FRMPD4: variants seen among roughly 807,000 people sequenced by gnomAD.
FRMPD4 encodes FERM and PDZ domain-containing protein 4.
A neutral mutation model predicts 94.1 loss-of-function variants in FRMPD4; 22 were observed. The observed-to-expected ratio is 0.23, with a 90% CI of 0.17 to 0.33. The LOEUF (loss-of-function observed/expected upper bound fraction) is 0.33. Among genes scored for constraint, FRMPD4 ranks in the 10% least tolerant of loss-of-function variants. The pLI is 1.00. For synonymous variants in FRMPD4, 631 were observed against 548.6 expected, an observed-to-expected ratio of 1.15 and a Z score of -2.10; for missense variants, 1,111 against 1,339.9, an observed-to-expected ratio of 0.83 and a Z score of 2.67.
rs192153170 is a variant in FRMPD4 at position 12,442,817 on chromosome X, C to T, written c.42-55863C>T. On this transcript the variant is annotated intron_variant, in intron 1 of 16. Transcript: ENST00000675598. ...GCAACATTATTCCTAATAGACAAAA[C>T]ATGAAAACAACACAGATATTCATAA... Among the ~76,000 whole-genome samples, 7 of 111,465 alleles carry T rather than the reference C, an allele frequency of 6.3e-5. No individual in the cohort carries two copies. The East Asian group carries it at 2.0e-3, about 31-fold the overall frequency.
chrX:12,291,314 C>T (rs1456300826), intron 1 of FRMPD4, among the ~76,000 whole-genome samples: 1 of 111,954 alleles, frequency 8.9e-6, no homozygotes, highest in Non-Finnish European at 1.9e-5. Flanking sequence ...TTCTTCTATA[C>T]TTCTTTGACT....
intron 1 of FRMPD4, among the ~76,000 whole-genome samples, chrX:12,308,487 G>A (rs1449807064): frequency 9.0e-6 from 1 of 111,304 alleles, no homozygotes; most frequent in East Asian, 2.8e-4. Context: ...GTGTATATCT[G>A]GGCTCTGGAG....
intron 2 of FRMPD4, among the ~76,000 whole-genome samples, chrX:12,605,320 G>A (rs753188518): frequency 5.3e-4 from 59 of 112,271 alleles, no homozygotes; most frequent in African/African-American, 1.4e-3. Flanking sequence ...CACTGGGAAC[G>A]TCTGCTGTGT....
rs183404902 is a variant in FRMPD4 at position 12,128,751 on chromosome X, G to A, written c.95+250733G>A. On this transcript the variant is annotated intron_variant, in intron 3 of 18. Transcript: ENST00000640291. ...TGAATGCATGAAACTGAAAGCTTTT[G>A]AGAGCACCCAAGTCACCTCTTGAAT... Among the ~76,000 whole-genome samples the A allele has an allele frequency of 2.2e-3, 245 of 112,141 alleles. 1 individual carries two copies. Among genetic ancestry groups the A allele is most frequent in the African/African-American group, 7.4e-3 (229 of 30,894 alleles).
intron 2 of FRMPD4, among the ~76,000 whole-genome samples, chrX:12,601,340 G>A (rs1276719268): frequency 8.9e-6 from 1 of 111,951 alleles, no homozygotes; most frequent in East Asian, 2.8e-4. Flanking sequence ...AACACACGAT[G>A]TGCAGTTATG....
chrX:11,993,023 G>A (rs1332919638), intron 3 of FRMPD4, among the ~76,000 whole-genome samples: 1 of 98,478 alleles, frequency 1.0e-5, no homozygotes, highest in Non-Finnish European at 2.1e-5. Flanking sequence ...TTTTGTTTTT[G>A]CAAATGATAC....
chrX:11,854,917 G>A (rs913970052), intron 1 of FRMPD4, among the ~76,000 whole-genome samples: 2 of 112,151 alleles, frequency 1.8e-5, no homozygotes, highest in African/African-American at 3.2e-5. Context: ...TGGGGACTCT[G>A]TGTGGGGGCT....
At chrX:12,509,803 G>A (rs1310951376) in intron 2 of FRMPD4, among the ~76,000 whole-genome samples, 4 of 111,828 alleles carry the variant, frequency 3.6e-5, no homozygotes, top group East Asian at 2.8e-4. Flanking sequence ...GACACTAAAC[G>A]TTTATCAAAA....
At chrX:12,196,461 C>A (rs1187332077) in intron 1 of FRMPD4, among the ~76,000 whole-genome samples, 2 of 110,313 alleles carry the variant, frequency 1.8e-5, no homozygotes, top group Non-Finnish European at 3.8e-5. Flanking sequence ...ACCCACCACA[C>A]CTGGGCCAGT....
chrX:12,643,207 G>A (rs1281162027), intron 4 of FRMPD4, among the ~76,000 whole-genome samples: 1 of 107,429 alleles, frequency 9.3e-6, no homozygotes, highest in Non-Finnish European at 1.9e-5. Flanking sequence ...GTGTGATCTT[G>A]GCTCACAGCA....
intron 1 of FRMPD4, among the ~76,000 whole-genome samples, chrX:12,316,501 A>G (rs146709860): frequency 0.03 from 3,407 of 112,058 alleles, 68 homozygotes; most frequent in Middle Eastern, 0.06. Context: ...AATTAAAAAT[A>G]TTCTCAACCA....
At chrX:12,247,674 A>C (rs1036157757) in intron 1 of FRMPD4, among the ~76,000 whole-genome samples, 5 of 112,276 alleles carry the variant, frequency 4.5e-5, no homozygotes, top group African/African-American at 1.6e-4. Flanking sequence ...GGCATGAGCC[A>C]CTATACCTGG....
chrX:12,282,410 A>G (rs1173027383), intron 1 of FRMPD4, among the ~76,000 whole-genome samples: 2 of 112,492 alleles, frequency 1.8e-5, no homozygotes, highest in South Asian at 3.7e-4. Context: ...AATGTATAAT[A>G]TTAATAAGTT....
At chrX:12,316,061 A>G (rs926185958) in intron 1 of FRMPD4, among the ~76,000 whole-genome samples, 3 of 112,505 alleles carry the variant, frequency 2.7e-5, no homozygotes, top group Non-Finnish European at 5.6e-5. Context: ...ATATTATTCA[A>G]TGTAAGCATA....
In FRMPD4 at chrX:12,193,828, AGGGAAGGAAG is replaced by A. The variant is rs1488789062; in HGVS notation, c.41+54817_41+54826del. Among the ~76,000 whole-genome samples the A allele has an allele frequency of 1.9e-3, 68 of 35,607 alleles. 11 individuals are homozygous for A. The East Asian group carries it at 0.048, about 25-fold the overall frequency. The allele number at this position is 35,607 out of a possible 115,157, so 30.9% of individuals were successfully genotyped here. A position where few individuals can be genotyped will look rare whatever the true frequency, so the allele number is the denominator to read the frequency against. Reference sequence around the variant, plus strand: ...GAAGGAAGGAAGGAAGGAAGGAAGGAGGGAAGGAAGAAAGAAAAGAAAGAAAAAGGAAGGA... The same window carrying A: ...GAAGGAAGGAAGGAAGGAAGGAAGGAAAAGAAAAGAAAGAAAAAGGAAGGA... On this transcript the variant is annotated intron_variant, in intron 1 of 16. Coordinates refer to ENST00000675598, the MANE Select transcript of FRMPD4 (RefSeq NM_001368397.1).
At chrX:12,266,762 C>T (rs1203234948) in intron 1 of FRMPD4, among the ~76,000 whole-genome samples, 1 of 111,451 alleles carries the variant, frequency 9.0e-6, no homozygotes, top group Non-Finnish European at 1.9e-5. Flanking sequence ...CATTCTTTCC[C>T]CTGGAAATAA....
chrX:12,677,853 G>A (rs1383260002), intron 5 of FRMPD4, among the ~76,000 whole-genome samples: 1 of 111,738 alleles, frequency 8.9e-6, no homozygotes, highest in Non-Finnish European at 1.9e-5. Flanking sequence ...TTGATAAGAA[G>A]TAATTCTTAA....
intron 3 of FRMPD4, among the ~76,000 whole-genome samples, chrX:11,921,015 G>T (rs1052915402): frequency 2.7e-5 from 3 of 112,125 alleles, no homozygotes; most frequent in Non-Finnish European, 3.8e-5. Context: ...TGTGGTAAAT[G>T]GTTTAATTGC....
intron 1 of FRMPD4, among the ~76,000 whole-genome samples, chrX:12,155,915 A>G (rs1282627119): frequency 9.9e-6 from 1 of 101,042 alleles, no homozygotes; most frequent in Non-Finnish European, 2.0e-5. Context: ...TTATGGATTT[A>G]TGGCTGCTTT....
Sources: gnomAD v4.1 joint callset for allele counts (sites outside exome capture counted in the v4.1 genomes callset) on GRCh38, gnomAD v4.1.1 for gene constraint, MANE v1.5 for transcripts, NCBI Gene and HGNC (gene_info 2026-07-23, HGNC 2026-07-21) for gene names.